Variants in SHTN1 observed in about 807,000 individuals in gnomAD.
SHTN1 encodes the protein shootin-1.
A neutral mutation model predicts 83.1 loss-of-function variants in SHTN1; 42 were observed. The ratio of observed to expected loss-of-function variants is 0.51; its 90% CI spans 0.39 to 0.65. SHTN1 has a LOEUF of 0.65. Ranked by LOEUF, SHTN1 falls within the 30% of genes least tolerant of loss-of-function variation. The pLI is 0.00. For synonymous variants in SHTN1, 224 were observed against 247.7 expected (o/e 0.90, Z 0.90); for missense variants, 622 against 737.8 (o/e 0.84, Z 1.82).
In SHTN1 at chr10:116,951,989, C is replaced by G; in HGVS notation, c.454G>C (p.Val152Leu). 6.6e-7 allele frequency: 1 copy of G among 1,522,938 alleles called. No individual in the cohort carries two copies. Among genetic ancestry groups the G allele is most frequent in the South Asian group, 1.4e-5 (1 of 70,214 alleles). 94.3% of individuals were successfully genotyped at this position (1,522,938 alleles called of 1,614,324 possible). Reference protein sequence around the residue: ...KQIKELRDQIVSVQEEKKILA... With the variant: ...KQIKELRDQILSVQEEKKILA... ...ATCTTCTTTTCCTCCTGAACAGATA[C>G]AATTTGATCTCGAAGTTCTGCATTT... Residue 152 changes from valine (V) to leucine (L), a missense_variant, in exon 6 of 17, where the codon GTA (valine) becomes CTA (leucine). Val to Leu is a conservative substitution (Grantham distance 32). Transcript: ENST00000355371.
intron 1 of SHTN1, among the ~76,000 whole-genome samples, chr10:116,994,238 A>G (rs1489914114): frequency 1.3e-5 from 2 of 152,100 alleles, no homozygotes; most frequent in Non-Finnish European, 2.9e-5. Flanking sequence ...GTCTAAGTAG[A>G]TGTTATTTAA....
chr10:117,115,294 A>G (rs1159775871), intron 1 of SHTN1, among the ~76,000 whole-genome samples: 5 of 152,128 alleles, frequency 3.3e-5, no homozygotes, highest in Non-Finnish European at 5.9e-5. Flanking sequence ...ACTTAGAAAA[A>G]TAACACCTGC....
intron 1 of SHTN1, among the ~76,000 whole-genome samples, chr10:116,982,968 A>T (rs927271447): frequency 3.3e-5 from 5 of 152,114 alleles, no homozygotes; most frequent in Non-Finnish European, 5.9e-5. Context: ...GTCTCAAAAA[A>T]AAAAAAGAAC....
chr10:117,009,754 AT>A (rs1434991651), upstream of SHTN1, among the ~76,000 whole-genome samples: 3 of 152,008 alleles, frequency 2.0e-5, no homozygotes. Context: ...AATACAAAAA[AT>A]TAGCCGGGCG....
intron 1 of SHTN1, among the ~76,000 whole-genome samples, chr10:117,052,748 G>A (rs1489771406): frequency 6.6e-6 from 1 of 151,774 alleles, no homozygotes; most frequent in Non-Finnish European, 1.5e-5. Context: ...GGCCGAGTGC[G>A]GTGGCTCACG....
chr10:117,088,133 G>A (rs1853376867), intron 1 of SHTN1, among the ~76,000 whole-genome samples: 1 of 152,158 alleles, frequency 6.6e-6, no homozygotes, highest in Non-Finnish European at 1.5e-5. Context: ...AGAACAATTT[G>A]TGCAAAATGT....
chr10:116,900,482 G>A, intron 16 of SHTN1: 1 of 1,423,362 alleles, frequency 7.0e-7, no homozygotes, highest in Non-Finnish European at 9.6e-7. Context: ...ACTTACTTTT[G>A]GAGAACAAAA....
intron 16 of SHTN1, among the ~76,000 whole-genome samples, chr10:116,889,034 T>G (rs1032084106): frequency 2.0e-5 from 3 of 152,220 alleles, no homozygotes; most frequent in Admixed American, 2.0e-4. Flanking sequence ...GCTTTCAGCA[T>G]GCAAAGGAGG....
intron 1 of SHTN1, among the ~76,000 whole-genome samples, chr10:117,124,690 C>T (rs760436199): frequency 8.5e-5 from 13 of 152,160 alleles, no homozygotes; most frequent in Middle Eastern, 3.4e-3. Flanking sequence ...GGGAGAATTG[C>T]TTGAACCCCA....
intron 1 of SHTN1, 72 bp from the exon 2 acceptor site, chr10:116,979,380 C>G: frequency 1.7e-6 from 2 of 1,205,642 alleles, no homozygotes; most frequent in Non-Finnish European, 2.5e-6. Flanking sequence ...GGGAATCCAA[C>G]TAACCCCCAT....
chr10:117,049,855 G>C (rs544942543), intron 1 of SHTN1, among the ~76,000 whole-genome samples: 1 of 152,086 alleles, frequency 6.6e-6, no homozygotes, highest in Non-Finnish European at 1.5e-5. Flanking sequence ...GTGGGACATA[G>C]CTAAAGTAGC....
At chr10:116,945,127 C>A in intron 7 of SHTN1, 109 bp from the exon 8 acceptor site, 1 of 704,922 alleles carries the variant, frequency 1.4e-6, no homozygotes, top group Middle Eastern at 2.5e-4. Context: ...CATACAGGTA[C>A]CCTCATGCAT....
intron 9 of SHTN1, among the ~76,000 whole-genome samples, chr10:116,936,040 T>C (rs1439839631): frequency 6.6e-6 from 1 of 152,178 alleles, no homozygotes; most frequent in Non-Finnish European, 1.5e-5. Flanking sequence ...ACTGTGTCTA[T>C]TTGATTCTTC....
intron 1 of SHTN1, among the ~76,000 whole-genome samples, chr10:117,069,393 C>G (rs1034546798): frequency 3.9e-5 from 6 of 151,974 alleles, no homozygotes; most frequent in Admixed American, 1.3e-4. Context: ...AGTGGCCTGG[C>G]TCTGAAGGGG....
At chr10:117,026,961 G>A (rs114051740) in intron 2 of SHTN1, among the ~76,000 whole-genome samples, 294 of 152,338 alleles carry the variant, frequency 1.9e-3, no homozygotes, top group African/African-American at 6.5e-3. Flanking sequence ...CTTTGACCCA[G>A]CACAGTCCCA....
chr10:116,929,549 G>A (rs1409534555), intron 10 of SHTN1, among the ~76,000 whole-genome samples: 1 of 152,094 alleles, frequency 6.6e-6, no homozygotes, highest in Non-Finnish European at 1.5e-5. Context: ...CTGAAGCTCT[G>A]AAAAATGCTG....
rs1564895767 is a variant in SHTN1 at position 116,954,118 on chromosome 10, A to G, written c.360T>C (p.Asp120=). ...CTGTGTCTGTAGTCGAATCTTCATC[A>G]TCAATGTTTATCTCTTCAGTTATTA... ...PDVITEEINI[D]DEDSTTDTDG... is the part of the protein sequence containing the mutation. The change falls in exon 5 of 17, where the codon GAT becomes GAC. Residue 120 remains aspartate, a synonymous_variant. Transcript: ENST00000355371. 6.2e-7 allele frequency: 1 copy of G among 1,613,918 alleles called. No homozygotes were observed.
intron 1 of SHTN1, among the ~76,000 whole-genome samples, chr10:117,094,341 C>A (rs1008818239): frequency 2.0e-5 from 3 of 152,168 alleles, no homozygotes; most frequent in Admixed American, 2.0e-4. Context: ...GTAGGAAGAT[C>A]TTACCTTGCA....
intron 1 of SHTN1, among the ~76,000 whole-genome samples, chr10:116,996,990 G>T (rs1851648297): frequency 6.6e-6 from 1 of 152,140 alleles, no homozygotes; most frequent in Non-Finnish European, 1.5e-5. Context: ...AAATATGAAA[G>T]ACCTTCGAGC....
Sources: allele counts gnomAD v4.1 joint callset (sites outside exome capture counted in the v4.1 genomes callset), GRCh38; gene constraint gnomAD v4.1.1; transcripts MANE v1.5; gene names NCBI Gene and HGNC (gene_info 2026-07-23, HGNC 2026-07-21).